FBXW7: variants seen among roughly 807,000 people sequenced by gnomAD.
FBXW7 encodes the protein F-box/WD repeat-containing protein 7.
A neutral mutation model predicts 86.3 loss-of-function variants in FBXW7; 11 were observed. The observed-to-expected ratio is 0.13, with a 90% confidence interval of 0.08 to 0.21. The LOEUF (loss-of-function observed/expected upper bound fraction) is 0.21, where lower values mean the gene tolerates loss of function less well. Ranked by LOEUF, FBXW7 falls within the 10% of genes least tolerant of loss-of-function variation. The pLI, the probability that FBXW7 is intolerant of heterozygous loss-of-function variation, is 1.00. For missense variants in FBXW7, 488 were observed against 847.4 expected (o/e 0.58, Z 5.27); for synonymous variants, 313 against 297.9 (o/e 1.05, Z -0.52).
chr4:152,455,892 TCTC>T (rs976471332), intron 2 of FBXW7, among the ~76,000 whole-genome samples: 10 of 152,144 alleles, frequency 6.6e-5, no homozygotes, highest in South Asian at 2.1e-4. Context: ...TCCTGGCTAA[TCTC>T]CTCATTTCAA....
At chr4:152,356,076 GTACTT>G (rs1301675141) in intron 4 of FBXW7, among the ~76,000 whole-genome samples, 1 of 152,136 alleles carries the variant, frequency 6.6e-6, no homozygotes, top group African/African-American at 2.4e-5. Flanking sequence ...AGTTAATAGA[GTACTT>G]TACCTCACCT....
At chr4:152,527,704 C>T (rs904276748) in intron 2 of FBXW7, among the ~76,000 whole-genome samples, 5 of 151,930 alleles carry the variant, frequency 3.3e-5, no homozygotes, top group Non-Finnish European at 2.9e-5. Context: ...CACTTGAGCC[C>T]AGGGGGTCAC....
chr4:152,485,505 C>T lies in FBXW7; in HGVS notation c.-120+49436G>A, dbSNP rs543833933. Among the ~76,000 whole-genome samples, 209 of 111,006 alleles carry T rather than the reference C, an allele frequency of 1.9e-3. 3 individuals carry two copies. Among genetic ancestry groups the T allele is most frequent in the Non-Finnish European group, 2.8e-3 (169 of 61,358 alleles). The allele number at this position is 111,006 out of a possible 152,430, so 72.8% of individuals were successfully genotyped here. Reference sequence around the variant, plus strand: ...TGATGTTATTGGTAAACTGGATCTTCATTATGGAAGAGGAATATGAAACAA... The same window carrying T: ...TGATGTTATTGGTAAACTGGATCTTTATTATGGAAGAGGAATATGAAACAA... On this transcript the variant is annotated intron_variant, in intron 2 of 13. Transcript: ENST00000281708.
chr4:152,409,653 G>A (rs777921731), intron 4 of FBXW7, among the ~76,000 whole-genome samples: 2 of 152,018 alleles, frequency 1.3e-5, no homozygotes, highest in Non-Finnish European at 2.9e-5. Context: ...CCATACTTAC[G>A]AAGGCAGATC....
intron 4 of FBXW7, among the ~76,000 whole-genome samples, chr4:152,394,748 T>C (rs1736274765): frequency 6.6e-6 from 1 of 152,052 alleles, no homozygotes. Flanking sequence ...TCCTGAGTAC[T>C]TTGCATACAT....
In FBXW7 at chr4:152,388,012, T is replaced by C. The variant is rs1735688516; in HGVS notation, c.501+23291A>G. On this transcript the variant is annotated intron_variant, in intron 4 of 13. Transcript: ENST00000281708. The stretch of plus-strand genomic sequence containing the variant: ...CGTGAGCCACAGCGCCTGGTCAGGA[T>C]ATCTTTTAAAGTTTTAGTATTTTTT... 2.0e-5 allele frequency among the ~76,000 whole-genome samples: 3 copies of C among 152,150 alleles called. No individual in the cohort carries two copies. The South Asian group carries it at 6.2e-4, about 32-fold the overall frequency.
At chr4:152,448,437 A>G (rs1741602760) in intron 2 of FBXW7, among the ~76,000 whole-genome samples, 1 of 152,204 alleles carries the variant, frequency 6.6e-6, no homozygotes, top group African/African-American at 2.4e-5. Flanking sequence ...ATTTGAAATA[A>G]ATCTATGTAG....
At chr4:152,464,460 G>A (rs1299552084) in intron 2 of FBXW7, among the ~76,000 whole-genome samples, 1 of 152,212 alleles carries the variant, frequency 6.6e-6, no homozygotes, top group Admixed American at 6.5e-5. Flanking sequence ...GAGAACTAGG[G>A]ATAGGACTGT....
rs1449181930 is a variant in FBXW7 at position 152,329,844 on chromosome 4, T to C, written c.1123-59A>G. On this transcript the variant is annotated intron_variant, in intron 9 of 13. Coordinates refer to ENST00000281708, the MANE Select transcript of FBXW7 (RefSeq NM_001349798.2). ...AATTAAATTATGTTCTTTAAAATAC[T>C]GGTGAAGAGAAAAATGAAGGCATAA... The C allele has an allele frequency of 4.2e-6, 4 of 961,794 alleles. No individual in the cohort carries two copies. In the East Asian group the frequency reaches 1.2e-4, roughly 28 times the overall value. 59.6% of individuals were successfully genotyped at this position (961,794 alleles called of 1,614,324 possible).
At chr4:152,343,291 T>G (rs960947019) in intron 6 of FBXW7, among the ~76,000 whole-genome samples, 5 of 152,176 alleles carry the variant, frequency 3.3e-5, no homozygotes, top group African/African-American at 1.2e-4. Flanking sequence ...TTGATCCTCA[T>G]AGCAATACTG....
chr4:152,349,314 C>CAAA (rs5863003), intron 5 of FBXW7, among the ~76,000 whole-genome samples: 3 of 147,142 alleles, frequency 2.0e-5, no homozygotes, highest in African/African-American at 7.4e-5. Context: ...TTTTAAAGAC[C>CAAA]AAAAAAAAAA....
At chr4:152,490,203 T>G (rs1745704446) in intron 2 of FBXW7, among the ~76,000 whole-genome samples, 1 of 152,086 alleles carries the variant, frequency 6.6e-6, no homozygotes, top group Non-Finnish European at 1.5e-5. Context: ...TTAATGGGTA[T>G]CAAGTTTTTA....
Position 152,351,601 on chromosome 4 carries a change from C to CAT in FBXW7, c.502-1479_502-1478dup, listed in dbSNP as rs567746527. Among the ~76,000 whole-genome samples the CAT allele has an allele frequency of 1.3e-4, 20 of 152,036 alleles. No homozygotes were observed. In the East Asian group the frequency reaches 2.1e-3, roughly 16 times the overall value. ...CGTGTATATAATTTATAGATACACA[C>CAT]ATATATATATAAACATACATGCAAA... is the stretch of plus-strand genomic sequence containing the variant. On this transcript the variant is annotated intron_variant, in intron 4 of 13. Transcript: ENST00000281708.
chr4:152,400,646 C>A (rs561089799), intron 4 of FBXW7, among the ~76,000 whole-genome samples: 111 of 152,064 alleles, frequency 7.3e-4, no homozygotes, highest in Non-Finnish European at 1.2e-3. Flanking sequence ...GGCACCCAGC[C>A]GGAAATGACA....
chr4:152,355,801 G>A (rs977186968), intron 4 of FBXW7, among the ~76,000 whole-genome samples: 5 of 151,850 alleles, frequency 3.3e-5, no homozygotes, highest in Admixed American at 2.6e-4. Context: ...TAGAAGTAAC[G>A]AGGAAAAAAA....
At chr4:152,468,118 A>C (rs1285253267) in intron 2 of FBXW7, among the ~76,000 whole-genome samples, 1 of 152,162 alleles carries the variant, frequency 6.6e-6, no homozygotes, top group Non-Finnish European at 1.5e-5. Flanking sequence ...ACCTACTAGA[A>C]TGGCTGAAAT....
intron 2 of FBXW7, among the ~76,000 whole-genome samples, chr4:152,531,641 C>T (rs1036860284): frequency 2.0e-5 from 3 of 151,024 alleles, no homozygotes; most frequent in African/African-American, 7.3e-5. Context: ...TTGTATGGGA[C>T]ACAAAGACAC....
At chr4:152,528,527 T>C (rs1430994661) in intron 2 of FBXW7, among the ~76,000 whole-genome samples, 1 of 152,182 alleles carries the variant, frequency 6.6e-6, no homozygotes, top group East Asian at 1.9e-4. Flanking sequence ...CAGAAAAATT[T>C]AGTTAAATGT....
At chr4:152,437,311 G>C (rs569906194) in intron 2 of FBXW7, among the ~76,000 whole-genome samples, 1 of 151,998 alleles carries the variant, frequency 6.6e-6, no homozygotes, top group South Asian at 2.1e-4. Flanking sequence ...GCAGGCGCAA[G>C]TTGCAGTGAG....
Sources: gnomAD v4.1 joint callset for allele counts (sites outside exome capture counted in the v4.1 genomes callset) on GRCh38, gnomAD v4.1.1 for gene constraint, MANE v1.5 for transcripts, NCBI Gene and HGNC (gene_info 2026-07-23, HGNC 2026-07-21) for gene names.